The following COPS2 variants were observed in gnomAD, a reference collection of about 807,000 sequenced individuals.
COPS2 encodes COP9 signalosome subunit 2.
COPS2 carries 10 observed loss-of-function variants against 66.1 expected under a neutral mutation model. The ratio of observed to expected loss-of-function variants is 0.15; its 90% CI spans 0.09 to 0.26. The LOEUF (loss-of-function observed/expected upper bound fraction) is 0.26. Ranked by LOEUF, COPS2 falls within the 10% of genes least tolerant of loss-of-function variation. COPS2 has a pLI of 1.00. For synonymous variants in COPS2, 179 were observed against 171.3 expected (o/e 1.04, Z -0.35); for missense variants, 215 against 513.3 (o/e 0.42, Z 5.62).
chr15:49,140,012 A>G (rs892454232), intron 3 of COPS2, among the ~76,000 whole-genome samples: 4 of 152,032 alleles, frequency 2.6e-5, no homozygotes, highest in Non-Finnish European at 5.9e-5. Flanking sequence ...TTTGAGACAG[A>G]GTTTCACTCT....
intron 10 of COPS2, 31 bp downstream of exon 10, chr15:49,130,687 GT>G (rs778800077): frequency 3.2e-5 from 42 of 1,302,552 alleles, no homozygotes; most frequent in Non-Finnish European, 4.3e-5. Context: ...GGCAAAGAAA[GT>G]AATAGAATCC....
chr15:49,123,863 AG>A lies in COPS2; in HGVS notation c.*4086del, dbSNP rs1360250810. 6.6e-6 allele frequency: 1 copy of A among 152,200 alleles called. No homozygotes were observed. Among genetic ancestry groups the A allele is most frequent in the Non-Finnish European group, 1.5e-5 (1 of 68,022 alleles). 9.4% of individuals were successfully genotyped at this position (152,200 alleles called of 1,614,324 possible). On this transcript the variant is annotated 3_prime_UTR_variant, in exon 13 of 13. Coordinates refer to ENST00000388901, the MANE Select transcript of COPS2 (RefSeq NM_004236.4). ...AAGACGAATCTCCTTAAAATTCAAA[AG>A]CAAGTAAGTGATGCTAAACTTTAGC...
chr15:49,144,958 T>C lies in COPS2; in HGVS notation c.168+7A>G, dbSNP rs1166041130. ...ACACATAGAATCAAATGGAAAAGAA[T>C]ATAAACCTTTTGGAAACTGCTTAAT... On this transcript the variant is annotated splice_region_variant and intron_variant, in intron 2 of 12. Transcript: ENST00000388901. 2 of 1,496,324 alleles carry C rather than the reference T, an allele frequency of 1.3e-6. No individual in the cohort carries two copies. 92.7% of individuals were successfully genotyped at this position (1,496,324 alleles called of 1,614,324 possible). A position where few individuals can be genotyped will look rare whatever the true frequency, so the allele number is the denominator to read the frequency against.
At chr15:49,131,072 CAA>C (rs2084204910) in intron 9 of COPS2, among the ~76,000 whole-genome samples, 1 of 151,994 alleles carries the variant, frequency 6.6e-6, no homozygotes, top group African/African-American at 2.4e-5. Context: ...TATATTTATA[CAA>C]AGTTAATTAA....
At position 49,133,916 on chromosome 15, in the gene COPS2, T is replaced by G; in HGVS notation, c.894+14A>C. ...ATAGCTGATAAGAGAAATTAACAAT[T>G]AAAACACACGTACCTCCTGTGAGTC... On this transcript the variant is annotated intron_variant, in intron 8 of 12. Transcript: ENST00000388901. The G allele has an allele frequency of 6.3e-7, 1 of 1,587,262 alleles. No individual in the cohort carries two copies. The highest frequency in any genetic ancestry group is 1.4e-5 in the African/African-American group (1 of 73,578).
At chr15:49,132,530 A>C (rs1391339930) in intron 9 of COPS2, among the ~76,000 whole-genome samples, 1 of 150,384 alleles carries the variant, frequency 6.6e-6, no homozygotes, top group Non-Finnish European at 1.5e-5. Context: ...AAAGTACTAT[A>C]AATAGAACTT....
At chr15:49,137,637 G>A (rs1183587113) in intron 4 of COPS2, 200 bp from the exon 5 acceptor site, 21 of 504,990 alleles carry the variant, frequency 4.2e-5, no homozygotes, top group South Asian at 4.0e-4. Flanking sequence ...ACCATGATGC[G>A]TTGTTTTATA....
intron 3 of COPS2, among the ~76,000 whole-genome samples, chr15:49,141,916 T>C (rs2084292172): frequency 6.6e-6 from 1 of 152,234 alleles, no homozygotes; most frequent in Non-Finnish European, 1.5e-5. Flanking sequence ...AAACCACTGC[T>C]AGTACGTTAA....
intron 1 of COPS2, 102 bp downstream of exon 1, chr15:49,155,423 T>G (rs1414786396): frequency 7.4e-6 from 8 of 1,076,894 alleles, no homozygotes; most frequent in Non-Finnish European, 1.0e-5. Flanking sequence ...AGAGAGGCTG[T>G]AAACGGCACA....
At chr15:49,134,172 C>T (rs766772424) in intron 7 of COPS2, 64 bp from the exon 8 acceptor site, 29 of 1,448,026 alleles carry the variant, frequency 2.0e-5, no homozygotes, top group Non-Finnish European at 2.5e-5. Context: ...AACTGACCAC[C>T]TCATAAATGC....
intron 6 of COPS2, among the ~76,000 whole-genome samples, chr15:49,136,216 C>T (rs911021415): frequency 3.9e-5 from 6 of 151,938 alleles, no homozygotes; most frequent in African/African-American, 9.7e-5. Flanking sequence ...AAAAGTAGTA[C>T]GTGGCATTGG....
intron 1 of COPS2, among the ~76,000 whole-genome samples, chr15:49,152,651 G>A (rs992132161): frequency 1.3e-5 from 2 of 151,990 alleles, no homozygotes; most frequent in African/African-American, 4.8e-5. Flanking sequence ...GTGAAACCCC[G>A]CCTCTAATAA....
chr15:49,127,978 T>A lies in COPS2; in HGVS notation c.1304A>T (p.Asn435Ile). Residue 435 changes from asparagine to isoleucine, a missense_variant, in exon 13 of 13, where the codon AAC (asparagine) becomes ATC (isoleucine). Transcript: ENST00000388901. ...DKWTNQLNSL[N>I]QAVVSKLA Reference sequence around the variant, plus strand: ...AGCCAGTTTACTGACTACAGCCTGGTTGAGAGAATTTAGTTGGTTGGTCCA... The same window carrying A: ...AGCCAGTTTACTGACTACAGCCTGGATGAGAGAATTTAGTTGGTTGGTCCA... 1 of 1,613,930 alleles carries A rather than the reference T, an allele frequency of 6.2e-7. No individual in the cohort carries two copies. The highest frequency in any genetic ancestry group is 8.5e-7 in the Non-Finnish European group (1 of 1,179,880).
At chr15:49,132,338 C>T (rs1027076135) in intron 9 of COPS2, among the ~76,000 whole-genome samples, 3 of 149,370 alleles carry the variant, frequency 2.0e-5, no homozygotes, top group African/African-American at 4.9e-5. Flanking sequence ...GTTCTTAGTC[C>T]CCCTAAAAAA....
At chr15:49,145,459 T>C (rs1015638196) in intron 1 of COPS2, among the ~76,000 whole-genome samples, 1 of 152,190 alleles carries the variant, frequency 6.6e-6, no homozygotes, top group African/African-American at 2.4e-5. Context: ...GTTCTAATTA[T>C]TAATCTTTGG....
intron 1 of COPS2, among the ~76,000 whole-genome samples, chr15:49,153,058 A>G (rs2084373596): frequency 6.6e-6 from 1 of 152,248 alleles, no homozygotes; most frequent in South Asian, 2.1e-4. Flanking sequence ...TGTATCCAAC[A>G]GACTATTGCT....
chr15:49,143,284 T>C (rs189342749), intron 3 of COPS2, among the ~76,000 whole-genome samples: 9 of 152,056 alleles, frequency 5.9e-5, no homozygotes, highest in Non-Finnish European at 1.0e-4. Context: ...GGTAAGAATT[T>C]TGGATTTTAC....
Position 49,127,769 on chromosome 15 carries a change from G to GT in COPS2, c.*180dup. 1 of 602,644 alleles carries GT rather than the reference G, an allele frequency of 1.7e-6. No homozygotes were observed. 37.3% of individuals were successfully genotyped at this position (602,644 alleles called of 1,614,324 possible). The stretch of plus-strand genomic sequence containing the variant: ...TGGTTTTCTTCTGGAGATTAAAGCT[G>GT]TTTTTCTTGGGATAAATGCAGCAGC... On this transcript the variant is annotated 3_prime_UTR_variant, in exon 13 of 13. Coordinates refer to ENST00000388901, the MANE Select transcript of COPS2 (RefSeq NM_004236.4).
In COPS2 at chr15:49,126,409, C is replaced by CT. The variant is rs2084167147; in HGVS notation, c.*1540_*1541insA. The CT allele has an allele frequency of 6.6e-6, 1 of 152,226 alleles. No individual in the cohort carries two copies. Among genetic ancestry groups the CT allele is most frequent in the Non-Finnish European group, 1.5e-5 (1 of 67,876 alleles). The allele number at this position is 152,226 out of a possible 1,614,324, so 9.4% of individuals were successfully genotyped here. A position where few individuals can be genotyped will look rare whatever the true frequency, so the allele number is the denominator to read the frequency against. On this transcript the variant is annotated 3_prime_UTR_variant, in exon 13 of 13. Transcript: ENST00000388901. ...GAATAAGCATGCCTTGTTTTAAGTCCATGCTCCTTCCACTGTTTATAAAAT... is the reference window on the plus strand; with the variant it reads ...GAATAAGCATGCCTTGTTTTAAGTCCTATGCTCCTTCCACTGTTTATAAAAT...
Sources: gnomAD v4.1 joint callset for allele counts (sites outside exome capture counted in the v4.1 genomes callset) on GRCh38, gnomAD v4.1.1 for gene constraint, MANE v1.5 for transcripts, NCBI Gene and HGNC (gene_info 2026-07-23, HGNC 2026-07-21) for gene names.